LONP1: variants seen among roughly 807,000 people sequenced by gnomAD.
LONP1 encodes lon peptidase 1, mitochondrial.
In LONP1, 31 loss-of-function variants were observed where a neutral mutation model predicts 98.5. The observed-to-expected ratio is 0.31, with a 90% CI of 0.24 to 0.42. The LOEUF (loss-of-function observed/expected upper bound fraction) is 0.42. Ranked by LOEUF, LONP1 falls within the 20% of genes least tolerant of loss-of-function variation. The pLI, the probability that LONP1 is intolerant of heterozygous loss-of-function variation, is 1.00. For missense variants in LONP1, 1,336 were observed against 1,350.6 expected (o/e 0.99, Z 0.17); for synonymous variants, 781 against 594.7 (o/e 1.31, Z -4.56).
chr19:5,692,319 G>A (rs761905309), intron 17 of LONP1, 111 bp from the exon 18 acceptor site: 161 of 1,125,102 alleles, frequency 1.4e-4, no homozygotes, highest in Non-Finnish European at 1.8e-4. Context: ...CAGTGATGCC[G>A]GGTTCTAAGC....
At chr19:5,697,143 G>A (rs145206506) in intron 10 of LONP1, among the ~76,000 whole-genome samples, 3 of 152,124 alleles carry the variant, frequency 2.0e-5, no homozygotes, top group African/African-American at 7.2e-5. Context: ...GCTCTCAGGA[G>A]GGCTTCCTGC....
At chr19:5,702,354 G>T (rs1316510304) in intron 8 of LONP1, among the ~76,000 whole-genome samples, 6 of 146,132 alleles carry the variant, frequency 4.1e-5, no homozygotes, top group Admixed American at 3.4e-4. Flanking sequence ...GGAGGGAGGT[G>T]GGGGGGTCAG....
At chr19:5,709,425 C>T (rs1978913307) in intron 4 of LONP1, among the ~76,000 whole-genome samples, 1 of 151,970 alleles carries the variant, frequency 6.6e-6, no homozygotes, top group African/African-American at 2.4e-5. Flanking sequence ...CACTTGAACC[C>T]AGGAGGCGGA....
intron 10 of LONP1, among the ~76,000 whole-genome samples, chr19:5,697,781 A>C (rs541037500): frequency 1.3e-3 from 194 of 151,920 alleles, no homozygotes; most frequent in African/African-American, 4.5e-3. Context: ...GAACCCAGAG[A>C]CGTCAGCAGA....
chr19:5,718,236 G>A, intron 1 of LONP1, among the ~76,000 whole-genome samples: 1 of 152,126 alleles, frequency 6.6e-6, no homozygotes, highest in East Asian at 1.9e-4. Context: ...CCAGCACTTT[G>A]GGAGGCTGAG....
At chr19:5,705,152 ACT>A (rs1001429173) in intron 8 of LONP1, among the ~76,000 whole-genome samples, 1 of 141,616 alleles carries the variant, frequency 7.1e-6, no homozygotes, top group African/African-American at 2.7e-5. Context: ...ACAGAGCAAG[ACT>A]CTGTCTTAAA....
At chr19:5,720,253 G>C (rs2055421053), upstream of LONP1, 2 of 1,325,590 alleles carry the variant, frequency 1.5e-6, no homozygotes, top group African/African-American at 1.6e-5. Context: ...GCCGCTTCAG[G>C]GAGCTGGGCC....
intron 9 of LONP1, 31 bp downstream of exon 9, chr19:5,700,757 CA>C: frequency 2.5e-6 from 4 of 1,612,470 alleles, no homozygotes; most frequent in Non-Finnish European, 3.4e-6. Context: ...CACCCACATG[CA>C]AATCCACAAC....
Position 5,696,683 on chromosome 19 carries a change from A to G in LONP1, c.1760T>C (p.Ile587Thr), listed in dbSNP as rs1315498122. ...LKKTKTENPL[I>T]LIDEVDKIGR... ...CTCCGCACGCACCTCGTCGATGAGGATCAGGGGGTTCTCCGTCTTGGTCTT... is the reference window on the plus strand; with the variant it reads ...CTCCGCACGCACCTCGTCGATGAGGGTCAGGGGGTTCTCCGTCTTGGTCTT... Residue 587 changes from isoleucine to threonine, a missense_variant, in exon 11 of 18, where the codon ATC becomes ACC. By Grantham distance (89) the Ile-to-Thr change is moderately conservative. Coordinates refer to ENST00000360614, the MANE Select transcript of LONP1 (RefSeq NM_004793.4). 6.2e-7 allele frequency: 1 copy of G among 1,613,228 alleles called. No individual in the cohort carries two copies.
At chr19:5,695,935 C>CTGG in intron 13 of LONP1, 119 bp downstream of exon 13, 2 of 823,498 alleles carry the variant, frequency 2.4e-6, no homozygotes, top group Non-Finnish European at 3.8e-6. Flanking sequence ...TGCTCCTCGG[C>CTGG]CGCAGGTCCC....
At position 5,707,867 on chromosome 19, in the gene LONP1, C is replaced by T. The variant is rs773240131; in HGVS notation, c.933-41G>A. On this transcript the variant is annotated intron_variant, in intron 5 of 17. Transcript: ENST00000360614. ...AGCTGCCTCGGTGGCCAGGGCCTCA[C>T]GCTCTGCTGCAGTGCAGCCCCCAAA... is the stretch of plus-strand genomic sequence containing the variant. 29 of 1,607,334 alleles carry T rather than the reference C, an allele frequency of 1.8e-5. 1 individual carries two copies. Among genetic ancestry groups the T allele is most frequent in the East Asian group, 2.2e-5 (1 of 44,838 alleles).
At chr19:5,720,253 G>T, upstream of LONP1, 1 of 1,325,708 alleles carries the variant, frequency 7.5e-7, no homozygotes, top group East Asian at 3.0e-5. Flanking sequence ...GCCGCTTCAG[G>T]GAGCTGGGCC....
intron 1 of LONP1, among the ~76,000 whole-genome samples, chr19:5,716,195 G>T (rs935328064): frequency 6.2e-5 from 9 of 146,014 alleles, no homozygotes; most frequent in African/African-American, 2.3e-4. Context: ...AACACAGTGA[G>T]ACCCCATCTC....
intron 8 of LONP1, among the ~76,000 whole-genome samples, chr19:5,704,444 C>T (rs750443970): frequency 1.3e-5 from 2 of 152,166 alleles, no homozygotes; most frequent in Non-Finnish European, 2.9e-5. Flanking sequence ...GGAGAGACTC[C>T]GGCGACCGTG....
At chr19:5,715,896 G>A (rs2055310786) in intron 1 of LONP1, among the ~76,000 whole-genome samples, 2 of 152,004 alleles carry the variant, frequency 1.3e-5, no homozygotes, top group East Asian at 3.9e-4. Context: ...TTCATTGACA[G>A]TTACTTCCTT....
chr19:5,711,935 G>C lies in LONP1; in HGVS notation c.706C>G (p.Arg236Gly). 7 of 1,613,226 alleles carry C rather than the reference G, an allele frequency of 4.3e-6. No individual in the cohort carries two copies. Among genetic ancestry groups the C allele is most frequent in the Non-Finnish European group, 5.9e-6 (7 of 1,179,772 alleles). ...EPEAENKHKP[R>G]RKSKRGKKEA... ...TTCTTGCCCCGCTTTGACTTCCTGC[G>C]GGGCTTGTGCTTGTTCTCCGCCTCC... The change falls in exon 4 of 18, where the codon CGC (arginine) becomes GGC (glycine). Residue 236 changes from arginine (R) to glycine (G), a missense_variant. By Grantham distance (125) the Arg-to-Gly change is moderately radical. Transcript: ENST00000360614.
At chr19:5,697,478 G>A (rs1168009495) in intron 10 of LONP1, among the ~76,000 whole-genome samples, 1 of 149,968 alleles carries the variant, frequency 6.7e-6, no homozygotes, top group African/African-American at 2.5e-5. Flanking sequence ...GAACAGTGAG[G>A]AGGCCATGAG....
chr19:5,701,024 ATG>A, intron 8 of LONP1, 97 bp from the exon 9 acceptor site: 2 of 1,413,454 alleles, frequency 1.4e-6, no homozygotes, highest in East Asian at 2.3e-5. Context: ...CTTGAAACCC[ATG>A]TGTGGGGCTG....
intron 10 of LONP1, among the ~76,000 whole-genome samples, chr19:5,698,499 G>A (rs975931321): frequency 3.9e-5 from 6 of 152,222 alleles, no homozygotes; most frequent in African/African-American, 7.2e-5. Flanking sequence ...TCTGAGGGCC[G>A]TGGCCCCTGC....
Sources: allele counts gnomAD v4.1 joint callset (sites outside exome capture counted in the v4.1 genomes callset), GRCh38; gene constraint gnomAD v4.1.1; transcripts MANE v1.5; gene names NCBI Gene and HGNC (gene_info 2026-07-23, HGNC 2026-07-21).